CTNNA2: variants seen among roughly 807,000 people sequenced by gnomAD.
The protein encoded by CTNNA2 is catenin alpha-2.
In CTNNA2, 42 loss-of-function variants were observed where a neutral mutation model predicts 101.0. The ratio of observed to expected loss-of-function variants is 0.42; its 90% confidence interval spans 0.32 to 0.54. CTNNA2 has a LOEUF of 0.54. Ranked by LOEUF, CTNNA2 falls within the 20% of genes least tolerant of loss-of-function variation. The pLI is 0.14. For missense variants in CTNNA2, 871 were observed against 1,223.1 expected (o/e 0.71, Z 4.29); for synonymous variants, 450 against 456.4 (o/e 0.99, Z 0.18).
chr2:79,239,936 CT>C (rs35539645), intron 2 of CTNNA2, among the ~76,000 whole-genome samples: 24 of 83,888 alleles, frequency 2.9e-4, no homozygotes, highest in Non-Finnish European at 5.7e-4. Flanking sequence ...CTTTTTCTTT[CT>C]TTTTTTTTTT....
At chr2:79,401,876 A>G (rs540389204) in intron 4 of CTNNA2, among the ~76,000 whole-genome samples, 2 of 151,822 alleles carry the variant, frequency 1.3e-5, no homozygotes, top group East Asian at 3.9e-4. Context: ...AGAATTAACA[A>G]GAAACAGATT....
chr2:80,096,144 G>A (rs1700135793), intron 7 of CTNNA2, among the ~76,000 whole-genome samples: 1 of 151,928 alleles, frequency 6.6e-6, no homozygotes, highest in African/African-American at 2.4e-5. Context: ...GGCATTTAGT[G>A]CTATAAATTT....
chr2:80,554,567 T>C (rs969810372), intron 11 of CTNNA2, among the ~76,000 whole-genome samples: 4 of 152,132 alleles, frequency 2.6e-5, no homozygotes, highest in Non-Finnish European at 2.9e-5. Context: ...AGGAAGAGGA[T>C]AGAAAGAGGG....
intron 7 of CTNNA2, among the ~76,000 whole-genome samples, chr2:80,143,780 G>A (rs145621743): frequency 1.3e-3 from 203 of 152,300 alleles, no homozygotes; most frequent in Non-Finnish European, 2.3e-3. Context: ...TAATTGCAGT[G>A]AGAAGTTCTG....
In CTNNA2 at chr2:80,119,135, C is replaced by T. The variant is rs572748671; in HGVS notation, c.1056+209338C>T. 2.0e-5 allele frequency among the ~76,000 whole-genome samples: 3 copies of T among 152,298 alleles called. No homozygotes were observed. The South Asian group carries it at 6.2e-4, about 32-fold the overall frequency. ...AGACCCTGACTTTTTCTAACCTCAGCTCATAGGCTTGATCTTTAGGTTTGG... is the reference window on the plus strand; with the variant it reads ...AGACCCTGACTTTTTCTAACCTCAGTTCATAGGCTTGATCTTTAGGTTTGG... On this transcript the variant is annotated intron_variant, in intron 7 of 18. Transcript: ENST00000402739.
chr2:79,280,115 G>A (rs182975449), intron 2 of CTNNA2, among the ~76,000 whole-genome samples: 70 of 152,168 alleles, frequency 4.6e-4, no homozygotes, highest in East Asian at 3.9e-4. Context: ...TTCTTCTTCC[G>A]TCCTACCGTC....
intron 4 of CTNNA2, among the ~76,000 whole-genome samples, chr2:79,394,771 C>T (rs1317573732): frequency 3.2e-5 from 3 of 94,006 alleles, no homozygotes; most frequent in Non-Finnish European, 6.3e-5. Context: ...AAAGAGCTTT[C>T]GTTTTACTTA....
intron 1 of CTNNA2, among the ~76,000 whole-genome samples, chr2:79,643,493 G>A (rs944616499): frequency 5.9e-5 from 9 of 152,080 alleles, no homozygotes; most frequent in Admixed American, 2.0e-4. Context: ...GGTGGGTCCC[G>A]GAATTTGTGT....
chr2:79,399,539 A>C (rs1035713671), intron 4 of CTNNA2, among the ~76,000 whole-genome samples: 1 of 152,134 alleles, frequency 6.6e-6, no homozygotes, highest in Admixed American at 6.6e-5. Context: ...AATATCATAG[A>C]CCACACACAA....
intron 7 of CTNNA2, among the ~76,000 whole-genome samples, chr2:80,300,172 A>G (rs1342285428): frequency 6.6e-6 from 1 of 151,986 alleles, no homozygotes; most frequent in Non-Finnish European, 1.5e-5. Context: ...TAGAACACTA[A>G]TAGTCTGAAT....
chr2:79,933,897 T>C (rs761283331), intron 7 of CTNNA2, among the ~76,000 whole-genome samples: 13 of 152,314 alleles, frequency 8.5e-5, no homozygotes, highest in Non-Finnish European at 1.5e-4. Context: ...GACAGCTTGA[T>C]CACATCTCCA....
intron 18 of CTNNA2, among the ~76,000 whole-genome samples, chr2:80,638,737 TGAAA>T (rs1673130693): frequency 6.6e-6 from 1 of 152,204 alleles, no homozygotes; most frequent in East Asian, 1.9e-4. Context: ...TACCCATAAT[TGAAA>T]AAATGCAAAT....
At chr2:79,373,255 G>T (rs1277217132) in intron 3 of CTNNA2, among the ~76,000 whole-genome samples, 1 of 152,052 alleles carries the variant, frequency 6.6e-6, no homozygotes, top group African/African-American at 2.4e-5. Context: ...ATATATATCA[G>T]GTTGATTTAT....
chr2:80,406,965 C>A lies in CTNNA2; in HGVS notation c.1138-12484C>A, dbSNP rs1679129088. Among the ~76,000 whole-genome samples the A allele has an allele frequency of 2.0e-5, 3 of 152,030 alleles. No individual in the cohort carries two copies. The Middle Eastern group carries it at 0.01, about 517-fold the overall frequency. On this transcript the variant is annotated intron_variant, in intron 8 of 18. Coordinates refer to ENST00000402739, the MANE Select transcript of CTNNA2 (RefSeq NM_001282597.3). The stretch of plus-strand genomic sequence containing the variant: ...TGTGTTTGGGCGGTCTGTGGAAGTA[C>A]CCTTGATACTGTTGCCAAATCAGCA...
chr2:79,915,479 A>T (rs1403140042), intron 7 of CTNNA2, among the ~76,000 whole-genome samples: 1 of 152,238 alleles, frequency 6.6e-6, no homozygotes, highest in African/African-American at 2.4e-5. Flanking sequence ...GCATTTTATT[A>T]TATGAATATG....
intron 2 of CTNNA2, among the ~76,000 whole-genome samples, chr2:79,292,673 A>C (rs905687182): frequency 2.2e-4 from 33 of 152,324 alleles, no homozygotes; most frequent in African/African-American, 7.9e-4. Flanking sequence ...ACAAATGAAC[A>C]ATGGAAACAA....
intron 9 of CTNNA2, among the ~76,000 whole-genome samples, chr2:80,487,930 G>A (rs1228800518): frequency 1.3e-5 from 2 of 152,022 alleles, no homozygotes; most frequent in South Asian, 2.1e-4. Context: ...TCCAATTTTA[G>A]TTGTGCTAAT....
At chr2:79,287,405 G>A (rs912247924) in intron 2 of CTNNA2, among the ~76,000 whole-genome samples, 2 of 152,090 alleles carry the variant, frequency 1.3e-5, no homozygotes, top group Middle Eastern at 3.2e-3. Flanking sequence ...TTTGGTCTTT[G>A]ACGATGGTGA....
chr2:80,272,467 C>G (rs1375956491), intron 7 of CTNNA2, among the ~76,000 whole-genome samples: 3 of 152,202 alleles, frequency 2.0e-5, no homozygotes, highest in Non-Finnish European at 2.9e-5. Context: ...TAAGGACCAT[C>G]AGTGGTGTTT....
Sources: gnomAD v4.1 joint callset for allele counts (sites outside exome capture counted in the v4.1 genomes callset) on GRCh38, gnomAD v4.1.1 for gene constraint, MANE v1.5 for transcripts, NCBI Gene and HGNC (gene_info 2026-07-23, HGNC 2026-07-21) for gene names.